Variants in DLGAP1 observed in about 807,000 individuals in gnomAD.
The protein encoded by DLGAP1 is DLG associated protein 1.
DLGAP1 carries 11 observed loss-of-function variants against 90.8 expected under a neutral mutation model. The observed-to-expected ratio is 0.12, with a 90% CI of 0.08 to 0.20. The LOEUF is 0.20. Ranked by LOEUF, DLGAP1 falls within the 10% of genes least tolerant of loss-of-function variation. DLGAP1 has a pLI of 1.00. For missense variants in DLGAP1, 1,050 were observed against 1,333.8 expected (o/e 0.79, Z 3.31); for synonymous variants, 558 against 540.7 (o/e 1.03, Z -0.44).
chr18:4,366,632 G>T (rs544975917), intron 1 of DLGAP1, among the ~76,000 whole-genome samples: 24 of 151,640 alleles, frequency 1.6e-4, no homozygotes, highest in African/African-American at 5.8e-4. Context: ...TTAAAAAAAC[G>T]CTGAGAAACA....
chr18:4,371,338 C>T (rs2081912045), intron 1 of DLGAP1, among the ~76,000 whole-genome samples: 1 of 152,226 alleles, frequency 6.6e-6, no homozygotes, highest in South Asian at 2.1e-4. Flanking sequence ...GAAGTACATT[C>T]CTCTCCTATG....
chr18:4,360,840 C>G (rs2081615740), intron 1 of DLGAP1, among the ~76,000 whole-genome samples: 1 of 152,072 alleles, frequency 6.6e-6, no homozygotes, highest in South Asian at 2.1e-4. Context: ...ATTAGCCAGG[C>G]ATGGTGGCGG....
chr18:4,251,594 G>T (rs2078779490), intron 1 of DLGAP1, among the ~76,000 whole-genome samples: 1 of 152,168 alleles, frequency 6.6e-6, no homozygotes, highest in Admixed American at 6.5e-5. Flanking sequence ...TGAAAATAGA[G>T]TATGTGTATC....
At chr18:4,190,342 G>A (rs2077373787) in intron 1 of DLGAP1, among the ~76,000 whole-genome samples, 1 of 152,070 alleles carries the variant, frequency 6.6e-6, no homozygotes, top group African/African-American at 2.4e-5. Flanking sequence ...ATTGATCAGT[G>A]GTTGCCAGGG....
At position 4,087,896 on chromosome 18, in the gene DLGAP1, T is replaced by G. The variant is rs190374966; in HGVS notation, c.-159+63284A>C. ...TGACATGATCTGTCTTGATTTGTTA[T>G]GTTGAGACCATTGACATCTGTGTCA... On this transcript the variant is annotated intron_variant, in intron 2 of 12. Transcript: ENST00000315677. Among the ~76,000 whole-genome samples, 237 of 152,292 alleles carry G rather than the reference T, an allele frequency of 1.6e-3. 4 individuals are homozygous for G. The South Asian group carries it at 0.029, about 19-fold the overall frequency.
rs1216302410 is a variant in DLGAP1 at position 4,332,522 on chromosome 18, T to C, written c.-267+122484A>G. On this transcript the variant is annotated intron_variant, in intron 1 of 12. Coordinates refer to ENST00000315677, the MANE Select transcript of DLGAP1 (RefSeq NM_004746.4). ...AGTAAAGATTAGCAAAAACAAGAAATACTTTCATTTCCAAAGCTGCATTCC... is the reference window on the plus strand; with the variant it reads ...AGTAAAGATTAGCAAAAACAAGAAACACTTTCATTTCCAAAGCTGCATTCC... Among the ~76,000 whole-genome samples, 2 of 151,828 alleles carry C rather than the reference T, an allele frequency of 1.3e-5. 1 individual carries two copies. The highest frequency in any genetic ancestry group is 4.9e-5 in the African/African-American group (2 of 41,142).
intron 7 of DLGAP1, among the ~76,000 whole-genome samples, chr18:3,645,629 C>G (rs1007321958): frequency 8.5e-5 from 13 of 152,156 alleles, no homozygotes; most frequent in Admixed American, 5.2e-4. Context: ...CTGGGGCATC[C>G]TTCTGATCTA....
intron 11 of DLGAP1, among the ~76,000 whole-genome samples, chr18:3,507,483 T>C (rs2050300639): frequency 6.6e-6 from 1 of 152,088 alleles, no homozygotes; most frequent in Non-Finnish European, 1.5e-5. Context: ...ATCGTGCCAT[T>C]GCACTCCAGC....
At chr18:3,720,896 A>AAAAAAAAG (rs1555641012) in intron 7 of DLGAP1, among the ~76,000 whole-genome samples, 7 of 125,858 alleles carry the variant, frequency 5.6e-5, no homozygotes, top group East Asian at 2.2e-4. Flanking sequence ...TACAAAAAAA[A>AAAAAAAAG]AAAAAAAAAA....
chr18:3,660,697 G>T lies in DLGAP1; in HGVS notation c.1591+68438C>A, dbSNP rs1021900627. Among the ~76,000 whole-genome samples the T allele has an allele frequency of 1.3e-5, 2 of 152,238 alleles. No individual in the cohort carries two copies. Among genetic ancestry groups the T allele is most frequent in the Non-Finnish European group, 2.9e-5 (2 of 68,046 alleles). ...GGGAGTTAGTCAAAATCTATGTGCA[G>T]AGTGAATACATATAACTTGCAGTAA... On this transcript the variant is annotated intron_variant, in intron 7 of 12. Transcript: ENST00000315677. The surrounding 1 kb of genome is among the most constrained non-coding windows in gnomAD (Gnocchi z 4.2).
intron 3 of DLGAP1, among the ~76,000 whole-genome samples, chr18:3,991,862 G>A (rs1335881264): frequency 2.0e-5 from 3 of 152,060 alleles, no homozygotes; most frequent in Non-Finnish European, 4.4e-5. Flanking sequence ...TTATTTTTTT[G>A]TGTATATCTT....
chr18:3,567,550 CCT>C lies in DLGAP1; in HGVS notation c.1995_1996del (p.Asn668Ter). Reference sequence around the variant, plus strand: ...GAACTTACTGGGTGCTTTATTCTCCCCTGTTTTGTCAGGTTCTTCAGCATCAT... The same window carrying C: ...GAACTTACTGGGTGCTTTATTCTCCCGTTTTGTCAGGTTCTTCAGCATCAT... On this transcript the variant is annotated frameshift_variant, in exon 9 of 13. Coordinates refer to ENST00000315677, the MANE Select transcript of DLGAP1 (RefSeq NM_004746.4). LOFTEE classifies it high-confidence loss of function. 2 of 1,613,990 alleles carry C rather than the reference CCT, an allele frequency of 1.2e-6. No homozygotes were observed. The highest frequency in any genetic ancestry group is 1.7e-6 in the Non-Finnish European group (2 of 1,179,956).
chr18:4,031,134 A>T (rs10502317), intron 2 of DLGAP1, among the ~76,000 whole-genome samples: 27,960 of 152,076 alleles, frequency 0.18, 2,998 homozygotes, highest in Non-Finnish European at 0.23. Flanking sequence ...ATTGGTCTGA[A>T]TGACAAAACT....
intron 7 of DLGAP1, among the ~76,000 whole-genome samples, chr18:3,693,772 G>GCTATTGGGCT (rs2060982907): frequency 2.6e-5 from 4 of 152,046 alleles, no homozygotes; most frequent in African/African-American, 9.7e-5. Flanking sequence ...AGGGAATCCA[G>GCTATTGGGCT]ATTGGGCTAG....
At chr18:3,946,761 G>T (rs2072886014) in intron 3 of DLGAP1, among the ~76,000 whole-genome samples, 1 of 152,012 alleles carries the variant, frequency 6.6e-6, no homozygotes. Context: ...ATAATTAAAG[G>T]TTCTGACTTA....
chr18:4,058,274 T>G (rs907188565), intron 2 of DLGAP1, among the ~76,000 whole-genome samples: 2 of 152,220 alleles, frequency 1.3e-5, no homozygotes, highest in African/African-American at 4.8e-5. Flanking sequence ...AAAGACACAC[T>G]CCCTGTTATT....
At chr18:4,220,924 CT>C (rs1340256033) in intron 1 of DLGAP1, among the ~76,000 whole-genome samples, 1 of 151,992 alleles carries the variant, frequency 6.6e-6, no homozygotes, top group Non-Finnish European at 1.5e-5. Flanking sequence ...TTTCACTGTG[CT>C]TTTTCTATGT....
chr18:4,043,171 G>A (rs867890578), intron 2 of DLGAP1, among the ~76,000 whole-genome samples: 2 of 152,050 alleles, frequency 1.3e-5, no homozygotes, highest in Non-Finnish European at 2.9e-5. Context: ...AATTTCTATT[G>A]GAAATATTTG....
At chr18:3,558,818 C>T (rs1470860317) in intron 9 of DLGAP1, among the ~76,000 whole-genome samples, 1 of 152,200 alleles carries the variant, frequency 6.6e-6, no homozygotes, top group East Asian at 1.9e-4. Context: ...CTTATCCACT[C>T]TGACAATCTC....
Sources: gnomAD v4.1 joint callset for allele counts (sites outside exome capture counted in the v4.1 genomes callset) on GRCh38, gnomAD v4.1.1 for gene constraint, Gnocchi (gnomAD v3.1) non-coding constraint, MANE v1.5 for transcripts, NCBI Gene and HGNC (gene_info 2026-07-23, HGNC 2026-07-21) for gene names.